MFHAS1: variants seen among roughly 807,000 people sequenced by gnomAD.
MFHAS1 encodes the protein multifunctional ROCO family signaling regulator 1.
MFHAS1 carries 50 observed loss-of-function variants against 70.4 expected under a neutral mutation model. The ratio of observed to expected loss-of-function variants is 0.71; its 90% CI spans 0.57 to 0.90. MFHAS1 has a LOEUF of 0.90. MFHAS1 is among the 40% of genes least tolerant of loss of function. The probability of loss-of-function intolerance (pLI) is 0.00; values close to 1 mark genes in which losing one functional copy is unlikely to be tolerated. For synonymous variants in MFHAS1, 952 were observed against 620.0 expected (o/e 1.54, Z -7.96); for missense variants, 1,795 against 1,347.6 (o/e 1.33, Z -5.20).
chr8:8,886,978 T>C (rs1361740179), intron 1 of MFHAS1, among the ~76,000 whole-genome samples: 3 of 152,096 alleles, frequency 2.0e-5, no homozygotes, highest in Non-Finnish European at 4.4e-5. Context: ...AATACAAAAA[T>C]TAGCCAGGTG....
rs17154785 is a variant in MFHAS1 at position 8,809,321 on chromosome 8, G to A, written c.2999-11830C>T. Among the ~76,000 whole-genome samples, 744 of 152,248 alleles carry A rather than the reference G, an allele frequency of 4.9e-3. 6 individuals carry two copies. Among genetic ancestry groups the A allele is most frequent in the African/African-American group, 0.017 (714 of 41,540 alleles). ...CCCACCAACCCCAGTCTGTGGTGCCGAACAAGGTTGGAGACAGCTGCTCTT... is the reference window on the plus strand; with the variant it reads ...CCCACCAACCCCAGTCTGTGGTGCCAAACAAGGTTGGAGACAGCTGCTCTT... On this transcript the variant is annotated intron_variant, in intron 1 of 2. Coordinates refer to ENST00000276282, the MANE Select transcript of MFHAS1 (RefSeq NM_004225.3).
Position 8,892,487 on chromosome 8 carries a change from T to A in MFHAS1, c.572A>T (p.Asn191Ile). The A allele has an allele frequency of 6.2e-7, 1 of 1,606,168 alleles. No homozygotes were observed. Among genetic ancestry groups the A allele is most frequent in the Non-Finnish European group, 8.5e-7 (1 of 1,176,424 alleles). Reference sequence around the variant, plus strand: ...CTGCCGGGGGAAGGCAGTGAGCTGGTTGTGATCCACGTCCAGGGTGCGCAG... The same window carrying A: ...CTGCCGGGGGAAGGCAGTGAGCTGGATGTGATCCACGTCCAGGGTGCGCAG... ...SRLRTLDVDH[N>I]QLTAFPRQLL... The change falls in exon 1 of 3, where the codon AAC becomes ATC. Residue 191 changes from asparagine to isoleucine, a missense_variant. Transcript: ENST00000276282. The surrounding 1 kb of genome is among the most constrained non-coding windows in gnomAD (Gnocchi z 4.7).
At chr8:8,868,084 G>C (rs1475364347) in intron 1 of MFHAS1, among the ~76,000 whole-genome samples, 1 of 151,990 alleles carries the variant, frequency 6.6e-6, no homozygotes, top group Non-Finnish European at 1.5e-5. Flanking sequence ...AAGTGGTATA[G>C]CGCACAAACC....
chr8:8,856,980 G>GAAAAAAAAAAAAAAAAAAAAAAAAAAA (rs59496543), intron 1 of MFHAS1, among the ~76,000 whole-genome samples: 1 of 53,370 alleles, frequency 1.9e-5, no homozygotes, highest in Non-Finnish European at 3.3e-5. Context: ...TCAGGAAAGT[G>GAAAAAAAAAAAAAAAAAAAAAAAAAAA]AAAAAAAAAA....
At position 8,891,485 on chromosome 8, in the gene MFHAS1, G is replaced by A. The variant is rs149204523; in HGVS notation, c.1574C>T (p.Ala525Val). Residue 525 changes from alanine (A) to valine (V), a missense_variant, in exon 1 of 3, where the codon GCG (alanine) becomes GTG (valine). Transcript: ENST00000276282. The surrounding 1 kb of genome is among the most constrained non-coding windows in gnomAD (Gnocchi z 5.4). ...GCACACCACCGCGTGGGGCACTCTC[G>A]CCCCGACCCGATGCAAGAAGGAGCC... ...TVGSFLHRVG[A>V]RVPHAVVCIV... The A allele has an allele frequency of 6.2e-6, 10 of 1,612,918 alleles. No homozygotes were observed. The African/African-American group carries it at 9.3e-5, about 15-fold the overall frequency.
chr8:8,860,506 C>A (rs948824537), intron 1 of MFHAS1, among the ~76,000 whole-genome samples: 1 of 152,214 alleles, frequency 6.6e-6, no homozygotes, highest in African/African-American at 2.4e-5. Context: ...AGGTGACCAA[C>A]CTACATACAC....
At chr8:8,808,657 A>G (rs1806428584) in intron 1 of MFHAS1, among the ~76,000 whole-genome samples, 6 of 152,236 alleles carry the variant, frequency 3.9e-5, no homozygotes, top group Admixed American at 3.9e-4. Flanking sequence ...TTTTGCTGCT[A>G]CACCTCAAAC....
chr8:8,843,365 C>A (rs546322473), intron 1 of MFHAS1, among the ~76,000 whole-genome samples: 1 of 151,998 alleles, frequency 6.6e-6, no homozygotes, highest in African/African-American at 2.4e-5. Context: ...GGGCAAATCA[C>A]TTGAGGCCAG....
chr8:8,805,592 G>A (rs193299529), intron 1 of MFHAS1, among the ~76,000 whole-genome samples: 1 of 152,322 alleles, frequency 6.6e-6, no homozygotes, highest in East Asian at 1.9e-4. Flanking sequence ...AGAAGTGGAA[G>A]AAAATCCTTC....
intron 1 of MFHAS1, among the ~76,000 whole-genome samples, chr8:8,888,032 T>C (rs959912594): frequency 6.6e-6 from 1 of 152,186 alleles, no homozygotes; most frequent in South Asian, 2.1e-4. Flanking sequence ...ACCCTGTAAA[T>C]GCGTAACTCC....
At chr8:8,804,667 C>G (rs952110533) in intron 1 of MFHAS1, among the ~76,000 whole-genome samples, 1 of 152,170 alleles carries the variant, frequency 6.6e-6, no homozygotes, top group Non-Finnish European at 1.5e-5. Flanking sequence ...CAAGCATCCT[C>G]CAAAGTGGTG....
intron 1 of MFHAS1, among the ~76,000 whole-genome samples, chr8:8,822,738 A>G (rs542628207): frequency 1.7e-4 from 19 of 113,014 alleles, no homozygotes; most frequent in African/African-American, 5.9e-4. Flanking sequence ...GACTGAGATG[A>G]GGACAGGGAA....
chr8:8,859,321 G>A (rs1489334070), intron 1 of MFHAS1, among the ~76,000 whole-genome samples: 1 of 152,172 alleles, frequency 6.6e-6, no homozygotes. Flanking sequence ...TCTAGCCTGG[G>A]TGACAGAGCA....
intron 1 of MFHAS1, among the ~76,000 whole-genome samples, chr8:8,854,927 T>G (rs1446332104): frequency 6.6e-6 from 1 of 152,154 alleles, no homozygotes; most frequent in Non-Finnish European, 1.5e-5. Context: ...TCTTTGTTTT[T>G]GATACAGGAT....
intron 1 of MFHAS1, among the ~76,000 whole-genome samples, chr8:8,879,691 G>C (rs570649239): frequency 1.8e-3 from 273 of 152,200 alleles, no homozygotes; most frequent in African/African-American, 6.3e-3. Flanking sequence ...TCTCCATATG[G>C]GGTCAGATTC....
At position 8,783,624 on chromosome 8, in the gene MFHAS1, G is replaced by C. The variant is rs1429856176; in HGVS notation, c.*2398C>G. 1 of 152,082 alleles carries C rather than the reference G, an allele frequency of 6.6e-6. No homozygotes were observed. Among genetic ancestry groups the C allele is most frequent in the African/African-American group, 2.4e-5 (1 of 41,408 alleles). The allele number at this position is 152,082 out of a possible 1,614,324, so 9.4% of individuals were successfully genotyped here. Reference sequence around the variant, plus strand: ...CAGTGCTTTGACAATTCCAGGAAGTGGTTTTGATACCACAAGTTGCAGGAA... The same window carrying C: ...CAGTGCTTTGACAATTCCAGGAAGTCGTTTTGATACCACAAGTTGCAGGAA... On this transcript the variant is annotated 3_prime_UTR_variant, in exon 3 of 3. Transcript: ENST00000276282.
At chr8:8,846,933 C>A (rs1231811150) in intron 1 of MFHAS1, among the ~76,000 whole-genome samples, 4 of 152,148 alleles carry the variant, frequency 2.6e-5, no homozygotes, top group African/African-American at 9.7e-5. Context: ...TCAACAAATG[C>A]TTGCAGAATG....
chr8:8,833,079 G>T (rs1272939615), intron 1 of MFHAS1, among the ~76,000 whole-genome samples: 1 of 152,110 alleles, frequency 6.6e-6, no homozygotes, highest in Non-Finnish European at 1.5e-5. Flanking sequence ...GGAGCAGGAG[G>T]AAGAAAGAGA....
chr8:8,848,397 GAA>G (rs11362070), intron 1 of MFHAS1, among the ~76,000 whole-genome samples: 316 of 131,008 alleles, frequency 2.4e-3, no homozygotes, highest in African/African-American at 7.1e-3. Flanking sequence ...TAAAGAGGAA[GAA>G]AAAAAAAAAA....
Sources: allele counts gnomAD v4.1 joint callset (sites outside exome capture counted in the v4.1 genomes callset), GRCh38; gene constraint gnomAD v4.1.1; non-coding constraint Gnocchi (gnomAD v3.1); transcripts MANE v1.5; gene names NCBI Gene and HGNC (gene_info 2026-07-23, HGNC 2026-07-21).